ARHGAP10: variants seen among roughly 807,000 people sequenced by gnomAD.
ARHGAP10 encodes the protein Rho GTPase activating protein 10.
In ARHGAP10, 87 loss-of-function variants were observed where a neutral mutation model predicts 108.6. The observed-to-expected ratio is 0.80, with a 90% CI of 0.67 to 0.96. The LOEUF is 0.96. ARHGAP10 is among the 40% of genes least tolerant of loss of function. The pLI is 0.00. For synonymous variants in ARHGAP10, 347 were observed against 341.1 expected (o/e 1.02, Z -0.19); for missense variants, 939 against 954.5 (o/e 0.98, Z 0.21).
intron 18 of ARHGAP10, among the ~76,000 whole-genome samples, chr4:147,972,690 A>G (rs1301062252): frequency 6.6e-6 from 1 of 152,064 alleles, no homozygotes; most frequent in Admixed American, 6.5e-5. Flanking sequence ...ATGGGCAAGT[A>G]TGAGGACAGG....
At chr4:147,836,970 G>A (rs1173332333) in intron 3 of ARHGAP10, among the ~76,000 whole-genome samples, 1 of 152,168 alleles carries the variant, frequency 6.6e-6, no homozygotes, top group African/African-American at 2.4e-5. Context: ...GAGCCAAAAT[G>A]AAAACACGTT....
At chr4:147,986,294 G>A (rs1049881051) in intron 18 of ARHGAP10, among the ~76,000 whole-genome samples, 11 of 152,166 alleles carry the variant, frequency 7.2e-5, no homozygotes, top group Non-Finnish European at 1.0e-4. Flanking sequence ...AGCTCATGGA[G>A]GGTCATCAAC....
intron 1 of ARHGAP10, among the ~76,000 whole-genome samples, chr4:147,788,974 A>C (rs947460154): frequency 6.6e-6 from 1 of 152,232 alleles, no homozygotes; most frequent in Non-Finnish European, 1.5e-5. Flanking sequence ...CCATAAACTT[A>C]TCCGGTTCTT....
intron 14 of ARHGAP10, among the ~76,000 whole-genome samples, chr4:147,941,593 G>T (rs1738166797): frequency 6.6e-6 from 1 of 152,140 alleles, no homozygotes; most frequent in Non-Finnish European, 1.5e-5. Context: ...ATACCATTCT[G>T]CAATCAGAGG....
chr4:147,907,402 A>G (rs1267498209), intron 11 of ARHGAP10, among the ~76,000 whole-genome samples: 2 of 152,216 alleles, frequency 1.3e-5, no homozygotes, highest in African/African-American at 2.4e-5. Context: ...CAATTTAAAT[A>G]AACTCTACTT....
chr4:148,052,868 T>C (rs905043413), intron 20 of ARHGAP10, among the ~76,000 whole-genome samples: 1 of 152,092 alleles, frequency 6.6e-6, no homozygotes, highest in Non-Finnish European at 1.5e-5. Context: ...GCCTGTTAAA[T>C]TCTGCACAGA....
At chr4:147,866,593 A>C in intron 6 of ARHGAP10, 119 bp from the exon 7 acceptor site, 1 of 663,498 alleles carries the variant, frequency 1.5e-6, no homozygotes, top group South Asian at 2.1e-5. Context: ...CTTCCCTTTA[A>C]TCAGTTTATT....
chr4:147,879,598 G>C (rs1319057752), intron 9 of ARHGAP10, among the ~76,000 whole-genome samples: 5 of 151,894 alleles, frequency 3.3e-5, no homozygotes, highest in Non-Finnish European at 2.9e-5. Context: ...ACAACGTGCA[G>C]GTTTGTTACA....
chr4:147,919,363 A>T (rs1365641992), intron 13 of ARHGAP10, among the ~76,000 whole-genome samples: 1 of 152,212 alleles, frequency 6.6e-6, no homozygotes, highest in African/African-American at 2.4e-5. Context: ...ACTTTTCCAT[A>T]GAGTAGTTTG....
intron 1 of ARHGAP10, among the ~76,000 whole-genome samples, chr4:147,772,884 T>G (rs1370173604): frequency 1.3e-5 from 2 of 152,156 alleles, no homozygotes; most frequent in Non-Finnish European, 2.9e-5. Context: ...CTGTCGTATC[T>G]CTTAGTATTT....
chr4:147,931,782 G>A (rs571124602), intron 13 of ARHGAP10, among the ~76,000 whole-genome samples: 128 of 152,198 alleles, frequency 8.4e-4, no homozygotes, highest in African/African-American at 2.9e-3. Context: ...ATTTCATGAC[G>A]AAGATGCCAA....
chr4:147,887,367 A>T (rs1176931002), intron 10 of ARHGAP10, among the ~76,000 whole-genome samples: 2 of 151,616 alleles, frequency 1.3e-5, no homozygotes, highest in Admixed American at 1.3e-4. Flanking sequence ...TACTCAAGCA[A>T]CTCTACTTTT....
At chr4:147,910,423 A>G (rs1465601947) in intron 12 of ARHGAP10, among the ~76,000 whole-genome samples, 1 of 152,052 alleles carries the variant, frequency 6.6e-6, no homozygotes, top group Admixed American at 6.5e-5. Context: ...TAAGAGTTTC[A>G]AGTATGCAAC....
chr4:147,784,533 CATAT>C (rs200445508), intron 1 of ARHGAP10, among the ~76,000 whole-genome samples: 20 of 115,700 alleles, frequency 1.7e-4, no homozygotes, highest in East Asian at 4.7e-4. Context: ...TAATATAAAA[CATAT>C]ATTTTATAGT....
chr4:147,965,181 G>C, intron 17 of ARHGAP10, 52 bp downstream of exon 17: 2 of 1,433,674 alleles, frequency 1.4e-6, no homozygotes, highest in South Asian at 1.3e-5. Flanking sequence ...CTAGGTGCTG[G>C]GTAGTGCTCT....
intron 13 of ARHGAP10, among the ~76,000 whole-genome samples, chr4:147,930,371 ATTTTTCAATTCATTTG>A (rs1283552868): frequency 1.3e-5 from 2 of 151,972 alleles, no homozygotes; most frequent in Non-Finnish European, 2.9e-5. Context: ...TTGTTCATTT[ATTTTTCAATTCATTTG>A]TTAAATATAT....
intron 1 of ARHGAP10, among the ~76,000 whole-genome samples, chr4:147,770,779 T>C (rs1730043957): frequency 6.6e-6 from 1 of 152,220 alleles, no homozygotes; most frequent in African/African-American, 2.4e-5. Context: ...TTTTTCTGTA[T>C]GACAGTTGTA....
At chr4:147,988,767 G>T (rs1740142850) in intron 18 of ARHGAP10, among the ~76,000 whole-genome samples, 1 of 152,150 alleles carries the variant, frequency 6.6e-6, no homozygotes, top group Non-Finnish European at 1.5e-5. Context: ...TTCCGTGTAG[G>T]AACTGAGAGG....
chr4:148,003,847 G>A (rs956196066), intron 18 of ARHGAP10, among the ~76,000 whole-genome samples: 3 of 114,278 alleles, frequency 2.6e-5, no homozygotes, highest in Non-Finnish European at 5.0e-5. Context: ...ACACTGATAG[G>A]TCTTGACTCT....
Sources: allele counts gnomAD v4.1 joint callset (sites outside exome capture counted in the v4.1 genomes callset), GRCh38; gene constraint gnomAD v4.1.1; transcripts MANE v1.5; gene names NCBI Gene and HGNC (gene_info 2026-07-23, HGNC 2026-07-21).